The following FOXJ3 variants were observed in gnomAD, a reference collection of about 807,000 sequenced individuals.
FOXJ3 encodes forkhead box J3.
Under a neutral mutation model 76.1 loss-of-function variants are expected in FOXJ3, and 22 were observed. The ratio of observed to expected loss-of-function variants is 0.29; its 90% CI spans 0.21 to 0.41. The LOEUF (loss-of-function observed/expected upper bound fraction) is 0.41. Among genes scored for constraint, FOXJ3 ranks in the 10% least tolerant of loss-of-function variants. The pLI is 1.00. For missense variants in FOXJ3, 613 were observed against 762.1 expected (o/e 0.80, Z 2.30); for synonymous variants, 269 against 261.2 (o/e 1.03, Z -0.29).
intron 5 of FOXJ3, among the ~76,000 whole-genome samples, chr1:42,227,597 T>C (rs1251257097): frequency 6.6e-6 from 1 of 152,218 alleles, no homozygotes; most frequent in African/African-American, 2.4e-5. Context: ...CTAAATGTTG[T>C]AGAGAAAAGA....
chr1:42,246,373 T>C (rs1051237688), intron 4 of FOXJ3, among the ~76,000 whole-genome samples: 2 of 151,824 alleles, frequency 1.3e-5, no homozygotes, highest in Admixed American at 6.6e-5. Context: ...CAAAAAAACA[T>C]GAATGGGCAT....
intron 5 of FOXJ3, among the ~76,000 whole-genome samples, chr1:42,226,545 T>C (rs1203157142): frequency 6.6e-6 from 1 of 151,994 alleles, no homozygotes; most frequent in Non-Finnish European, 1.5e-5. Context: ...GGAGGTGGGG[T>C]TGCAGTGAGC....
intron 1 of FOXJ3, among the ~76,000 whole-genome samples, chr1:42,317,643 T>C (rs1217667260): frequency 6.6e-6 from 1 of 151,982 alleles, no homozygotes; most frequent in African/African-American, 2.4e-5. Context: ...AATACTGGCT[T>C]TTAATAGAAG....
At chr1:42,330,934 A>G (rs1414074399) in intron 1 of FOXJ3, among the ~76,000 whole-genome samples, 2 of 152,174 alleles carry the variant, frequency 1.3e-5, no homozygotes, top group Non-Finnish European at 2.9e-5. Flanking sequence ...TAAACCAATA[A>G]AACACTATAT....
chr1:42,230,829 T>A (rs544325714), intron 4 of FOXJ3, among the ~76,000 whole-genome samples: 2 of 152,190 alleles, frequency 1.3e-5, no homozygotes, highest in East Asian at 3.9e-4. Context: ...TACCAAATCA[T>A]CCAGCAATTC....
chr1:42,249,061 G>C (rs1649802821), intron 4 of FOXJ3, among the ~76,000 whole-genome samples: 1 of 152,026 alleles, frequency 6.6e-6, no homozygotes, highest in Non-Finnish European at 1.5e-5. Flanking sequence ...CTTCATCCAT[G>C]TCCCTGCAAA....
intron 2 of FOXJ3, among the ~76,000 whole-genome samples, chr1:42,308,251 G>A (rs1013761325): frequency 3.3e-5 from 5 of 152,294 alleles, no homozygotes; most frequent in African/African-American, 1.2e-4. Context: ...CGAGAGAGAA[G>A]GCAAACAAGC....
In FOXJ3 at chr1:42,181,991, G is replaced by T. The variant is rs1263850603; in HGVS notation, c.1679C>A (p.Pro560His). ...ACCAGGGGGTGGCATCACTGAAGGA[G>T]GGAGATTTTGCCTAGAATCTATGTA... The part of the protein sequence containing the change: ...NLYIDSRQNL[P>H]PSVMPPPGYP... Residue 560 changes from proline (P) to histidine (H), a missense_variant, in exon 12 of 13, where the codon CCT becomes CAT. By Grantham distance (77) the Pro-to-His change is moderately conservative. Transcript: ENST00000361346. 1 of 1,613,146 alleles carries T rather than the reference G, an allele frequency of 6.2e-7. No individual in the cohort carries two copies. Among genetic ancestry groups the T allele is most frequent in the Admixed American group, 1.7e-5 (1 of 59,952 alleles).
intron 2 of FOXJ3, among the ~76,000 whole-genome samples, chr1:42,294,440 T>C: frequency 6.6e-6 from 1 of 152,268 alleles, no homozygotes; most frequent in African/African-American, 2.4e-5. Flanking sequence ...TGAAACAGTT[T>C]GGGCTGCTCT....
At chr1:42,320,428 A>T (rs1395474027) in intron 1 of FOXJ3, among the ~76,000 whole-genome samples, 1 of 152,282 alleles carries the variant, frequency 6.6e-6, no homozygotes, top group East Asian at 1.9e-4. Flanking sequence ...TCAAAAACTT[A>T]ACTACCTAAT....
At chr1:42,215,715 T>C (rs1470892313) in intron 5 of FOXJ3, among the ~76,000 whole-genome samples, 1 of 152,172 alleles carries the variant, frequency 6.6e-6, no homozygotes, top group Non-Finnish European at 1.5e-5. Flanking sequence ...AAAAACTACA[T>C]ATCACATGCA....
At chr1:42,181,848 CGTT>C (rs1646327264) in intron 12 of FOXJ3, 66 bp downstream of exon 12, 2 of 1,009,680 alleles carry the variant, frequency 2.0e-6, no homozygotes, top group East Asian at 2.5e-5. Context: ...CACCTGCCAT[CGTT>C]GTTCCTGGAG....
intron 5 of FOXJ3, among the ~76,000 whole-genome samples, chr1:42,224,392 T>G (rs904127825): frequency 6.0e-5 from 5 of 83,096 alleles, no homozygotes; most frequent in Non-Finnish European, 1.5e-4. Context: ...AGGCTTATGC[T>G]CATGTAAATG....
intron 4 of FOXJ3, among the ~76,000 whole-genome samples, chr1:42,235,569 T>TG (rs1648551981): frequency 2.9e-5 from 4 of 138,876 alleles, no homozygotes; most frequent in Admixed American, 7.4e-5. Flanking sequence ...TGTGTTTTTT[T>TG]GTTTTTTTTT....
intron 4 of FOXJ3, among the ~76,000 whole-genome samples, chr1:42,243,033 T>C (rs1649272983): frequency 1.3e-5 from 2 of 152,312 alleles, no homozygotes; most frequent in South Asian, 2.1e-4. Context: ...AATGGGATGA[T>C]ATATTCAAGT....
chr1:42,270,963 C>G lies in FOXJ3; in HGVS notation c.370-5774G>C, dbSNP rs564209896. Among the ~76,000 whole-genome samples the G allele has an allele frequency of 8.5e-5, 13 of 152,224 alleles. No homozygotes were observed. The East Asian group carries it at 2.5e-3, about 29-fold the overall frequency. On this transcript the variant is annotated intron_variant, in intron 3 of 12. Coordinates refer to ENST00000361346, the MANE Select transcript of FOXJ3 (RefSeq NM_014947.5). ...CTGGTTTCTGTCCCCACAGGTCCCC[C>G]CAAAAATCAATATAAGTACTCATTT...
At chr1:42,295,299 G>C (rs1199828870) in intron 2 of FOXJ3, among the ~76,000 whole-genome samples, 1 of 151,834 alleles carries the variant, frequency 6.6e-6, no homozygotes, top group African/African-American at 2.4e-5. Context: ...ACTTATAAGT[G>C]AGAACATGTG....
At chr1:42,280,305 A>C (rs1652600477) in intron 2 of FOXJ3, 7 of 983,390 alleles carry the variant, frequency 7.1e-6, no homozygotes, top group Non-Finnish European at 8.5e-6. Flanking sequence ...CAGTAAATTG[A>C]GTCCTCTTGA....
At chr1:42,261,523 A>AC (rs1449488942) in intron 4 of FOXJ3, among the ~76,000 whole-genome samples, 9 of 152,180 alleles carry the variant, frequency 5.9e-5, no homozygotes, top group African/African-American at 2.2e-4. Flanking sequence ...CTTTTACGAC[A>AC]CAATCTTCTT....
Sources: allele counts gnomAD v4.1 joint callset (sites outside exome capture counted in the v4.1 genomes callset), GRCh38; gene constraint gnomAD v4.1.1; transcripts MANE v1.5; gene names NCBI Gene and HGNC (gene_info 2026-07-23, HGNC 2026-07-21).